Variants in CTNNA2 observed in about 807,000 individuals in gnomAD.
CTNNA2 encodes the protein catenin alpha-2.
Under a neutral mutation model 101.0 loss-of-function variants are expected in CTNNA2, and 42 were observed. That is an observed-to-expected ratio of 0.42 (90% confidence interval 0.32 to 0.54). CTNNA2 has a LOEUF of 0.54. Among genes scored for constraint, CTNNA2 ranks in the 20% least tolerant of loss-of-function variants. CTNNA2 has a pLI of 0.14. For synonymous variants in CTNNA2, 450 were observed against 456.4 expected, an observed-to-expected ratio of 0.99 and a Z score of 0.18; for missense variants, 871 against 1,223.1, an observed-to-expected ratio of 0.71 and a Z score of 4.29.
At chr2:80,336,576 A>G (rs1671782018) in intron 7 of CTNNA2, among the ~76,000 whole-genome samples, 1 of 152,202 alleles carries the variant, frequency 6.6e-6, no homozygotes, top group African/African-American at 2.4e-5. Context: ...ATACACAATG[A>G]ATGAGTTTTG....
intron 7 of CTNNA2, among the ~76,000 whole-genome samples, chr2:79,926,636 G>A (rs925369728): frequency 6.6e-5 from 10 of 152,078 alleles, no homozygotes; most frequent in African/African-American, 2.4e-4. Flanking sequence ...AATGTGTATA[G>A]TTATTATAGT....
chr2:80,598,837 TGGA>T (rs1697217080), intron 15 of CTNNA2, among the ~76,000 whole-genome samples: 2 of 152,108 alleles, frequency 1.3e-5, no homozygotes, highest in South Asian at 4.1e-4. Flanking sequence ...CTTGTAGAGG[TGGA>T]GAAGAGATTC....
intron 7 of CTNNA2, among the ~76,000 whole-genome samples, chr2:79,976,361 A>G (rs1690841506): frequency 6.6e-6 from 1 of 152,196 alleles, no homozygotes; most frequent in Admixed American, 6.5e-5. Flanking sequence ...CCTGGAGTTG[A>G]ATTTCAATGG....
intron 7 of CTNNA2, among the ~76,000 whole-genome samples, chr2:79,966,652 A>G (rs1011896658): frequency 6.6e-6 from 1 of 152,204 alleles, no homozygotes; most frequent in African/African-American, 2.4e-5. Flanking sequence ...AAGGCAGCCA[A>G]TGAAGAGATA....
chr2:79,840,247 C>T lies in CTNNA2; in HGVS notation c.299-17766C>T, dbSNP rs867581769. ...TTTTTTTCCTAGTTAATATTTTTAC[C>T]GACATAGCACTTTAAGAATATAAAT... On this transcript the variant is annotated intron_variant, in intron 3 of 18. Coordinates refer to ENST00000402739, the MANE Select transcript of CTNNA2 (RefSeq NM_001282597.3). 3.3e-5 allele frequency among the ~76,000 whole-genome samples: 5 copies of T among 151,974 alleles called. No homozygotes were observed. In the South Asian group the frequency reaches 1.0e-3, roughly 32 times the overall value.
rs368100920 is a variant in CTNNA2, at chr2:80,410,497, C to T, written c.1138-8952C>T. On this transcript the variant is annotated intron_variant, in intron 8 of 18. Transcript: ENST00000402739. ...ACATACGTTTAAACCATTGGAAAAA[C>T]GTCTTGTGTTCTTGACTCCTGTCAG... 2.0e-5 allele frequency among the ~76,000 whole-genome samples: 3 copies of T among 152,304 alleles called. No homozygotes were observed. The East Asian group carries it at 5.8e-4, about 29-fold the overall frequency.
At chr2:79,587,847 C>T (rs1216987541) in intron 1 of CTNNA2, among the ~76,000 whole-genome samples, 1 of 152,148 alleles carries the variant, frequency 6.6e-6, no homozygotes, top group African/African-American at 2.4e-5. Context: ...CATTGCAGGG[C>T]CCATTTCTCA....
chr2:80,139,348 C>A (rs532558586), intron 7 of CTNNA2, among the ~76,000 whole-genome samples: 17 of 152,244 alleles, frequency 1.1e-4, no homozygotes, highest in African/African-American at 4.1e-4. Flanking sequence ...TTTAATTATA[C>A]AATATCTGCT....
At chr2:79,302,585 G>T (rs58367618) in intron 2 of CTNNA2, among the ~76,000 whole-genome samples, 10,925 of 152,186 alleles carry the variant, frequency 0.072, 487 homozygotes, top group African/African-American at 0.11. Context: ...TGAGAGGGTT[G>T]TCTAGAAACC....
chr2:80,579,921 G>T (rs973388242), intron 13 of CTNNA2, among the ~76,000 whole-genome samples: 6 of 152,212 alleles, frequency 3.9e-5, no homozygotes, highest in Non-Finnish European at 8.8e-5. Context: ...CTTGTGGTCT[G>T]CTCTTTTCTT....
chr2:80,531,142 C>A (rs778356227), intron 9 of CTNNA2, among the ~76,000 whole-genome samples: 1 of 152,076 alleles, frequency 6.6e-6, no homozygotes, highest in Non-Finnish European at 1.5e-5. Context: ...TTCCCTGGTG[C>A]GGTCAAGGAC....
rs1302259148 is a variant in CTNNA2, at chr2:80,185,959, A to G, written c.1057-207252A>G. ...AGCCATATAAGTAAAAAAGAGTGTA[A>G]GAGTTGATGTTGAACACATTTATGA... On this transcript the variant is annotated intron_variant, in intron 7 of 18. Coordinates refer to ENST00000402739, the MANE Select transcript of CTNNA2 (RefSeq NM_001282597.3). 2.0e-5 allele frequency among the ~76,000 whole-genome samples: 3 copies of G among 152,300 alleles called. No homozygotes were observed. In the East Asian group the frequency reaches 5.8e-4, roughly 29 times the overall value.
chr2:79,774,768 T>A (rs1246625757), intron 3 of CTNNA2, among the ~76,000 whole-genome samples: 1 of 152,198 alleles, frequency 6.6e-6, no homozygotes, highest in Admixed American at 6.5e-5. Context: ...TTGCACCATC[T>A]TTCTGGCCCA....
chr2:80,356,931 C>G (rs1009000545), intron 7 of CTNNA2, among the ~76,000 whole-genome samples: 7 of 152,200 alleles, frequency 4.6e-5, no homozygotes, highest in African/African-American at 4.8e-5. Flanking sequence ...CCTCAAAAGG[C>G]TAGAGGCCTA....
chr2:80,523,203 G>A (rs533886163), intron 9 of CTNNA2, among the ~76,000 whole-genome samples: 3 of 152,288 alleles, frequency 2.0e-5, no homozygotes, highest in South Asian at 2.1e-4. Context: ...TAGCAATCTT[G>A]AACATGTCAA....
chr2:80,038,026 T>C (rs538881147), intron 7 of CTNNA2, among the ~76,000 whole-genome samples: 41 of 151,374 alleles, frequency 2.7e-4, no homozygotes, highest in Non-Finnish European at 5.2e-4. Context: ...ACTTGTCCTA[T>C]GACATTGACT....
At chr2:79,905,573 C>G (rs1685364918) in intron 6 of CTNNA2, among the ~76,000 whole-genome samples, 1 of 152,122 alleles carries the variant, frequency 6.6e-6, no homozygotes, top group Non-Finnish European at 1.5e-5. Context: ...AAGTATTCTT[C>G]TGTGACCAGG....
At chr2:79,648,106 C>G (rs1318146534) in intron 1 of CTNNA2, among the ~76,000 whole-genome samples, 1 of 152,182 alleles carries the variant, frequency 6.6e-6, no homozygotes, top group Non-Finnish European at 1.5e-5. Flanking sequence ...ACTGAAAAAT[C>G]CTCCAATCTA....
chr2:79,949,461 G>A (rs946097315), intron 7 of CTNNA2, among the ~76,000 whole-genome samples: 4 of 152,118 alleles, frequency 2.6e-5, no homozygotes, highest in South Asian at 2.1e-4. Context: ...TCAAGAAAAC[G>A]GGGTTCATTT....
Sources: allele counts gnomAD v4.1 joint callset (sites outside exome capture counted in the v4.1 genomes callset), GRCh38; gene constraint gnomAD v4.1.1; transcripts MANE v1.5; gene names NCBI Gene and HGNC (gene_info 2026-07-23, HGNC 2026-07-21).